ARHGEF4: variants seen among roughly 807,000 people sequenced by gnomAD.
ARHGEF4 encodes the protein Rho guanine nucleotide exchange factor 4.
ARHGEF4 carries 119 observed loss-of-function variants against 162.0 expected under a neutral mutation model. The ratio of observed to expected loss-of-function variants is 0.73; its 90% CI spans 0.63 to 0.86. The LOEUF (loss-of-function observed/expected upper bound fraction) is 0.86. ARHGEF4 is among the 40% of genes least tolerant of loss of function. ARHGEF4 has a pLI of 0.00. For synonymous variants in ARHGEF4, 1,014 were observed against 979.9 expected, an observed-to-expected ratio of 1.03 and a Z score of -0.65; for missense variants, 2,488 against 2,456.0, an observed-to-expected ratio of 1.01 and a Z score of -0.28.
rs1479080190 is a variant in ARHGEF4 at position 130,907,290 on chromosome 2, C to T, written c.40-6696C>T. ...AGTGCAGTGGCACGATCTGGGCTCA[C>T]TGCAAGCTCCGCCTCCTGGGTTCAC... On this transcript the variant is annotated intron_variant, in intron 1 of 13. Coordinates refer to ENST00000409359, the MANE Select transcript of ARHGEF4 (RefSeq NM_001367493.1). 2.1e-5 allele frequency among the ~76,000 whole-genome samples: 3 copies of T among 139,870 alleles called. No individual in the cohort carries two copies. The Admixed American group carries it at 2.3e-4, about 11-fold the overall frequency. 91.8% of individuals were successfully genotyped at this position (139,870 alleles called of 152,430 possible). A position where few individuals can be genotyped will look rare whatever the true frequency, so the allele number is the denominator to read the frequency against.
At chr2:130,874,768 AACCACTGCCACCTCCCCATCTTTC>A (rs771227768) in intron 1 of ARHGEF4, among the ~76,000 whole-genome samples, 37 of 152,300 alleles carry the variant, frequency 2.4e-4, no homozygotes, top group Non-Finnish European at 4.7e-4. Context: ...CTTCTTTCAT[AACCACTGCCACCTCCCCATCTTTC>A]ACCGCTGACA....
At chr2:130,872,545 G>A (rs953212960) in intron 1 of ARHGEF4, among the ~76,000 whole-genome samples, 1 of 152,090 alleles carries the variant, frequency 6.6e-6, no homozygotes, top group African/African-American at 2.4e-5. Flanking sequence ...CACGCCAATT[G>A]TGTGTCCCGT....
At chr2:130,897,314 A>G (rs901549589) in intron 1 of ARHGEF4, among the ~76,000 whole-genome samples, 1 of 152,212 alleles carries the variant, frequency 6.6e-6, no homozygotes, top group East Asian at 1.9e-4. Flanking sequence ...GCCTCCTGGG[A>G]GACGCATGGT....
At chr2:130,962,536 A>T (rs1436845895) in intron 4 of ARHGEF4, among the ~76,000 whole-genome samples, 1 of 152,124 alleles carries the variant, frequency 6.6e-6, no homozygotes, top group African/African-American at 2.4e-5. Context: ...TCACAAGGAG[A>T]GGAGAAAGCG....
chr2:130,922,167 C>T (rs909561452), intron 2 of ARHGEF4, among the ~76,000 whole-genome samples: 18 of 151,810 alleles, frequency 1.2e-4, no homozygotes, highest in Non-Finnish European at 2.1e-4. Flanking sequence ...GTTAGGGGTT[C>T]GAGACCAGCC....
At chr2:131,004,217 G>A (rs913167324) in intron 4 of ARHGEF4, among the ~76,000 whole-genome samples, 5 of 152,198 alleles carry the variant, frequency 3.3e-5, no homozygotes, top group African/African-American at 1.2e-4. Flanking sequence ...TCGGGCTGGA[G>A]TGCAATGGCA....
chr2:130,887,865 T>C (rs182680369), intron 1 of ARHGEF4, among the ~76,000 whole-genome samples: 184 of 152,078 alleles, frequency 1.2e-3, no homozygotes, highest in Admixed American at 1.5e-3. Flanking sequence ...GCCGGCAGGG[T>C]TTCATGGGCT....
chr2:130,871,557 A>G (rs1319980190), intron 1 of ARHGEF4, among the ~76,000 whole-genome samples: 1 of 145,848 alleles, frequency 6.9e-6, no homozygotes, highest in Non-Finnish European at 1.5e-5. Context: ...ATATATATAC[A>G]TATATATATA....
chr2:130,946,680 G>A (rs770987342), intron 4 of ARHGEF4, 45 bp downstream of exon 4: 50 of 1,609,934 alleles, frequency 3.1e-5, no homozygotes, highest in Non-Finnish European at 4.2e-5. Flanking sequence ...CTGGATCCTG[G>A]CATGAAGGAC....
intron 1 of ARHGEF4, among the ~76,000 whole-genome samples, chr2:130,855,405 A>G (rs917496598): frequency 2.0e-5 from 3 of 152,176 alleles, no homozygotes; most frequent in African/African-American, 7.2e-5. Context: ...CAGTGAAAAG[A>G]TACAGATTTA....
At chr2:130,875,905 C>T (rs1678801510) in intron 1 of ARHGEF4, among the ~76,000 whole-genome samples, 1 of 152,194 alleles carries the variant, frequency 6.6e-6, no homozygotes, top group African/African-American at 2.4e-5. Flanking sequence ...AACACCAATC[C>T]AGCTTCCCTA....
At chr2:130,972,894 G>A (rs1173347315) in intron 4 of ARHGEF4, among the ~76,000 whole-genome samples, 3 of 152,174 alleles carry the variant, frequency 2.0e-5, no homozygotes, top group African/African-American at 4.8e-5. Context: ...TACTTTCAAA[G>A]AAGATAGTTA....
At chr2:130,931,304 C>T in intron 3 of ARHGEF4, 47 bp downstream of exon 3, 1 of 1,513,942 alleles carries the variant, frequency 6.6e-7, no homozygotes, top group East Asian at 2.4e-5. Context: ...CTGGTATCCC[C>T]TTCTCTCTGC....
chr2:130,948,689 G>C (rs182735626), intron 4 of ARHGEF4, among the ~76,000 whole-genome samples: 1 of 152,242 alleles, frequency 6.6e-6, no homozygotes. Context: ...GGAAGTCAGA[G>C]GTCAGGGCTC....
intron 1 of ARHGEF4, among the ~76,000 whole-genome samples, chr2:130,838,163 C>T (rs532677262): frequency 6.4e-4 from 98 of 152,342 alleles, no homozygotes; most frequent in African/African-American, 2.1e-3. Flanking sequence ...AGAGCTCAGA[C>T]CCCCTTCAAA....
Position 130,915,859 on chromosome 2 carries a change from A to C in ARHGEF4, c.1913A>C (p.Gln638Pro). 6.5e-7 allele frequency: 1 copy of C among 1,545,174 alleles called. No homozygotes were observed. Among genetic ancestry groups the C allele is most frequent in the Non-Finnish European group, 8.7e-7 (1 of 1,144,418 alleles). ...RGALIIVAVE[Q>P]KGLQASRSNA... ...GCCCTCATCATTGTAGCTGTGGAGCAGAAAGGTCTTCAGGCCAGCAGGAGC... is the reference window on the plus strand; with the variant it reads ...GCCCTCATCATTGTAGCTGTGGAGCCGAAAGGTCTTCAGGCCAGCAGGAGC... Residue 638 changes from glutamine (Q) to proline (P), a missense_variant, in exon 2 of 14, where the codon CAG becomes CCG. By Grantham distance (76) the Gln-to-Pro change is moderately conservative. Transcript: ENST00000409359.
intron 2 of ARHGEF4, among the ~76,000 whole-genome samples, chr2:130,926,023 T>C (rs144517509): frequency 3.3e-3 from 317 of 97,072 alleles, no homozygotes; most frequent in African/African-American, 0.023. Context: ...TCTCTTTCTT[T>C]CTTTCTTTCT....
intron 4 of ARHGEF4, among the ~76,000 whole-genome samples, chr2:130,958,168 A>G (rs1350623286): frequency 6.6e-6 from 1 of 152,080 alleles, no homozygotes; most frequent in Non-Finnish European, 1.5e-5. Context: ...GGGCAGGATG[A>G]GAAATACCAC....
chr2:130,918,308 C>T (rs1681649088), intron 2 of ARHGEF4, among the ~76,000 whole-genome samples: 1 of 152,180 alleles, frequency 6.6e-6, no homozygotes, highest in Admixed American at 6.5e-5. Flanking sequence ...ACAAAGTGAC[C>T]GCTTCTGTCC....
Sources: allele counts gnomAD v4.1 joint callset (sites outside exome capture counted in the v4.1 genomes callset), GRCh38; gene constraint gnomAD v4.1.1; transcripts MANE v1.5; gene names NCBI Gene and HGNC (gene_info 2026-07-23, HGNC 2026-07-21).